Variants in SGCD observed in about 807,000 individuals in gnomAD.
The protein encoded by SGCD is delta-sarcoglycan.
Under a neutral mutation model 36.6 loss-of-function variants are expected in SGCD, and 18 were observed. The observed-to-expected ratio is 0.49, with a 90% CI of 0.34 to 0.73. The LOEUF (loss-of-function observed/expected upper bound fraction) is 0.73, where lower values mean the gene tolerates loss of function less well. Ranked by LOEUF, SGCD falls within the 30% of genes least tolerant of loss-of-function variation. The probability of loss-of-function intolerance (pLI) is 0.01; values close to 1 mark genes in which losing one functional copy is unlikely to be tolerated. For missense variants in SGCD, 387 were observed against 346.7 expected (o/e 1.12, Z -0.92); for synonymous variants, 133 against 130.6 (o/e 1.02, Z -0.12).
intron 1 of SGCD, among the ~76,000 whole-genome samples, chr5:156,083,572 G>C (rs923671453): frequency 2.0e-5 from 3 of 150,278 alleles, no homozygotes; most frequent in Non-Finnish European, 3.0e-5. Context: ...TGGAATTACA[G>C]GTATGAGCCA....
intron 3 of SGCD, among the ~76,000 whole-genome samples, chr5:156,468,645 T>G (rs1259413069): frequency 6.6e-6 from 1 of 152,126 alleles, no homozygotes; most frequent in East Asian, 1.9e-4. Context: ...ATTTCCTCAT[T>G]TGAAAAATGC....
chr5:156,728,088 T>C (rs1204376924), intron 7 of SGCD, among the ~76,000 whole-genome samples: 1 of 152,170 alleles, frequency 6.6e-6, no homozygotes, highest in Non-Finnish European at 1.5e-5. Context: ...AAACTGAAGC[T>C]TGGAGAAGTT....
chr5:155,818,079 C>T, the SGCD span, among the ~76,000 whole-genome samples: 36 of 152,128 alleles, frequency 2.4e-4, no homozygotes, highest in South Asian at 1.5e-3. Flanking sequence ...GAGAAGAATA[C>T]TAAAGTGAGC....
At chr5:156,644,010 A>G (rs1763138529) in intron 6 of SGCD, among the ~76,000 whole-genome samples, 1 of 152,168 alleles carries the variant, frequency 6.6e-6, no homozygotes, top group African/African-American at 2.4e-5. Flanking sequence ...AATTATATCA[A>G]TATTAATCAT....
At chr5:156,545,622 AGCTAATACCACT>A (rs1162312657) in intron 4 of SGCD, among the ~76,000 whole-genome samples, 1 of 152,086 alleles carries the variant, frequency 6.6e-6, no homozygotes, top group Admixed American at 6.6e-5. Context: ...CCCTATGAGA[AGCTAATACCACT>A]GCAGATCTGA....
At chr5:155,863,147 A>G in the SGCD span, among the ~76,000 whole-genome samples, 14 of 152,318 alleles carry the variant, frequency 9.2e-5, no homozygotes, top group African/African-American at 3.4e-4. Context: ...CAGATAAATT[A>G]TAACAATCCT....
intron 6 of SGCD, among the ~76,000 whole-genome samples, chr5:156,627,938 A>G (rs1346017806): frequency 6.6e-6 from 1 of 152,168 alleles, no homozygotes; most frequent in Non-Finnish European, 1.5e-5. Context: ...TTGAATTACT[A>G]TAAAGAAATA....
chr5:156,133,440 T>C (rs909911370), intron 3 of SGCD, among the ~76,000 whole-genome samples: 37 of 152,198 alleles, frequency 2.4e-4, no homozygotes, highest in Admixed American at 2.4e-3. Flanking sequence ...CTTCCAATAA[T>C]AGTTCTTACA....
At chr5:156,259,127 T>C (rs535060209) in intron 3 of SGCD, among the ~76,000 whole-genome samples, 12 of 150,478 alleles carry the variant, frequency 8.0e-5, no homozygotes, top group Non-Finnish European at 1.6e-4. Context: ...TATTTATTTA[T>C]TTATTTATTT....
At chr5:155,877,599 TACAA>T (rs1212513127) in intron 1 of SGCD, among the ~76,000 whole-genome samples, 1 of 152,136 alleles carries the variant, frequency 6.6e-6, no homozygotes, top group Non-Finnish European at 1.5e-5. Context: ...AACATTTTTC[TACAA>T]ACAGTCAAGC....
chr5:155,798,610 A>C, the SGCD span, among the ~76,000 whole-genome samples: 4 of 152,220 alleles, frequency 2.6e-5, no homozygotes, highest in East Asian at 7.7e-4. Flanking sequence ...CCTTAGGCAA[A>C]TTTTCTCTTC....
chr5:155,775,499 C>A, the SGCD span, among the ~76,000 whole-genome samples: 37 of 152,108 alleles, frequency 2.4e-4, no homozygotes, highest in African/African-American at 8.9e-4. Flanking sequence ...ACTCCTGCGC[C>A]CATGCTTTTT....
At chr5:156,334,945 C>T (rs1294275749) in intron 2 of SGCD, among the ~76,000 whole-genome samples, 1 of 152,064 alleles carries the variant, frequency 6.6e-6, no homozygotes, top group Admixed American at 6.5e-5. Context: ...TTTGCCTCAG[C>T]CTGTGAGTAA....
chr5:156,013,145 C>A (rs759224896), intron 1 of SGCD, among the ~76,000 whole-genome samples: 6 of 151,710 alleles, frequency 4.0e-5, no homozygotes, highest in Non-Finnish European at 8.8e-5. Flanking sequence ...CCTGCCTCAG[C>A]CTCCTAGTGG....
chr5:155,905,089 A>G (rs1290223621), intron 1 of SGCD, among the ~76,000 whole-genome samples: 2 of 152,148 alleles, frequency 1.3e-5, no homozygotes, highest in African/African-American at 4.8e-5. Flanking sequence ...TCCAACTTAA[A>G]TGTTAGGGAT....
intron 1 of SGCD, among the ~76,000 whole-genome samples, chr5:156,056,858 T>A (rs1217957415): frequency 6.9e-6 from 1 of 145,752 alleles, no homozygotes; most frequent in Non-Finnish European, 1.5e-5. Context: ...TTTTTGAAAG[T>A]ACTTTATGAA....
intron 1 of SGCD, among the ~76,000 whole-genome samples, chr5:155,881,382 GT>G: frequency 6.6e-6 from 1 of 152,050 alleles, no homozygotes; most frequent in East Asian, 1.9e-4. Context: ...TGCATATAAA[GT>G]TTTGTTTACA....
intron 3 of SGCD, among the ~76,000 whole-genome samples, chr5:156,355,921 G>A (rs1769471146): frequency 6.6e-6 from 1 of 152,140 alleles, no homozygotes; most frequent in South Asian, 2.1e-4. Context: ...TGATCACTGG[G>A]TCCTCCATAT....
chr5:156,736,561 A>G (rs918122869), intron 7 of SGCD, among the ~76,000 whole-genome samples: 10 of 152,102 alleles, frequency 6.6e-5, no homozygotes, highest in African/African-American at 1.7e-4. Flanking sequence ...CTAATCCTCT[A>G]TGAGAGCTGG....
Sources: allele counts gnomAD v4.1 joint callset (sites outside exome capture counted in the v4.1 genomes callset), GRCh38; gene constraint gnomAD v4.1.1; transcripts MANE v1.5; gene names NCBI Gene and HGNC (gene_info 2026-07-23, HGNC 2026-07-21).